RTL4: variants seen among roughly 807,000 people sequenced by gnomAD.
The protein encoded by RTL4 is retrotransposon Gag like 4, also known as retrotransposon Gag-like protein 4.
In RTL4, 4 loss-of-function variants were observed where a neutral mutation model predicts 5.3. The observed-to-expected ratio is 0.75, with a 90% confidence interval of 0.37 to 1.72. The LOEUF (loss-of-function observed/expected upper bound fraction) is 1.72. Among genes scored for constraint, RTL4 ranks in the 40% most tolerant of loss-of-function variants. The pLI is 0.04. For synonymous variants in RTL4, 98 were observed against 87.3 expected (o/e 1.12, Z -0.68); for missense variants, 260 against 227.1 (o/e 1.14, Z -0.93).
At chrX:112,449,766 T>C (rs1260678370), upstream of RTL4, among the ~76,000 whole-genome samples, 1 of 112,076 alleles carries the variant, frequency 8.9e-6, no homozygotes, top group Admixed American at 9.4e-5. Flanking sequence ...ATAGTCAATG[T>C]TGGGGTCTCC....
the RTL4 span, among the ~76,000 whole-genome samples, chrX:112,402,077 A>G: frequency 8.9e-6 from 1 of 111,797 alleles, no homozygotes; most frequent in Middle Eastern, 4.7e-3. Flanking sequence ...AGTCCTATCT[A>G]TCTCTCAAGA....
At chrX:112,390,239 G>A in the RTL4 span, among the ~76,000 whole-genome samples, 1 of 90,009 alleles carries the variant, frequency 1.1e-5, no homozygotes, top group Non-Finnish European at 2.2e-5. Context: ...GATCTCTTGA[G>A]GCCAGAAGTT....
the RTL4 span, among the ~76,000 whole-genome samples, chrX:112,151,995 C>T: frequency 8.0e-5 from 9 of 111,834 alleles, no homozygotes; most frequent in African/African-American, 2.9e-4. Flanking sequence ...GGGAGCGGGG[C>T]AGTTCTATCT....
the RTL4 span, among the ~76,000 whole-genome samples, chrX:112,305,479 C>T: frequency 1.8e-5 from 2 of 110,281 alleles, no homozygotes; most frequent in African/African-American, 6.6e-5. Context: ...TCTCCTGCCT[C>T]AGCCTCCCAA....
the RTL4 span, among the ~76,000 whole-genome samples, chrX:112,125,544 T>TG: frequency 9.0e-6 from 1 of 111,659 alleles, no homozygotes; most frequent in Non-Finnish European, 1.9e-5. Flanking sequence ...TATGTCCTTA[T>TG]GGGGAAGAGA....
chrX:112,262,883 T>C, the RTL4 span, among the ~76,000 whole-genome samples: 20,081 of 109,535 alleles, frequency 0.18, 1,432 homozygotes, highest in African/African-American at 0.24. Context: ...GATGAGTTCA[T>C]GTCCTTTGTA....
chrX:112,379,357 C>T, the RTL4 span, among the ~76,000 whole-genome samples: 1 of 112,320 alleles, frequency 8.9e-6, no homozygotes, highest in Non-Finnish European at 1.9e-5. Flanking sequence ...TTGAAGTAGC[C>T]TTGCTTACCA....
At chrX:112,446,676 C>A in the RTL4 span, among the ~76,000 whole-genome samples, 1 of 111,770 alleles carries the variant, frequency 8.9e-6, no homozygotes, top group Non-Finnish European at 1.9e-5. Flanking sequence ...GGCAAAACTC[C>A]ATCTCTACTA....
chrX:112,426,308 ATTG>A, the RTL4 span, among the ~76,000 whole-genome samples: 4 of 111,258 alleles, frequency 3.6e-5, no homozygotes, highest in African/African-American at 1.3e-4. Flanking sequence ...CCAATACCAC[ATTG>A]TTATCTTTAT....
the RTL4 span, among the ~76,000 whole-genome samples, chrX:112,433,013 C>G: frequency 2.7e-5 from 3 of 110,195 alleles, no homozygotes; most frequent in Non-Finnish European, 5.7e-5. Flanking sequence ...TCTTGTTTTT[C>G]TCAGGTTTGT....
At chrX:112,243,453 A>G in the RTL4 span, among the ~76,000 whole-genome samples, 2 of 111,041 alleles carry the variant, frequency 1.8e-5, no homozygotes, top group Non-Finnish European at 3.8e-5. Context: ...GAATTTATTA[A>G]TTTCTTCTAG....
chrX:112,107,880 G>T, the RTL4 span, among the ~76,000 whole-genome samples: 2 of 111,535 alleles, frequency 1.8e-5, no homozygotes, highest in Non-Finnish European at 3.8e-5. Flanking sequence ...TTCTCCTATG[G>T]TTTCTTTAAA....
chrX:112,261,339 C>A, the RTL4 span, among the ~76,000 whole-genome samples: 51 of 111,627 alleles, frequency 4.6e-4, no homozygotes, highest in African/African-American at 1.7e-3. Flanking sequence ...GCAACTTCAG[C>A]AAAGTCTCAG....
chrX:112,390,168 C>T, the RTL4 span, among the ~76,000 whole-genome samples: 68 of 57,324 alleles, frequency 1.2e-3, no homozygotes, highest in African/African-American at 4.5e-3. Context: ...TATTTAGGAT[C>T]GTGGCCAGGT....
chrX:112,270,162 C>T, the RTL4 span, among the ~76,000 whole-genome samples: 2 of 112,093 alleles, frequency 1.8e-5, no homozygotes, highest in African/African-American at 6.5e-5. Context: ...TCAATCACAT[C>T]CATTGAGGTC....
the RTL4 span, among the ~76,000 whole-genome samples, chrX:112,086,765 T>G: frequency 8.9e-6 from 1 of 112,235 alleles, no homozygotes; most frequent in Admixed American, 9.4e-5. Flanking sequence ...ACTTTACACA[T>G]TCATACATTA....
At chrX:112,131,612 A>C in the RTL4 span, among the ~76,000 whole-genome samples, 1 of 111,683 alleles carries the variant, frequency 9.0e-6, no homozygotes, top group African/African-American at 3.3e-5. Flanking sequence ...TTCCCCCTTC[A>C]CTATTCGTAC....
At chrX:112,224,761 A>G in the RTL4 span, among the ~76,000 whole-genome samples, 1 of 111,386 alleles carries the variant, frequency 9.0e-6, no homozygotes, top group Admixed American at 9.6e-5. Flanking sequence ...AACAACTACA[A>G]TGGTTACCAT....
the RTL4 span, among the ~76,000 whole-genome samples, chrX:112,310,728 T>C: frequency 5.2e-5 from 4 of 76,540 alleles, no homozygotes; most frequent in African/African-American, 2.1e-4. Flanking sequence ...TATTATATAT[T>C]ATATATTTAT....
Sources: gnomAD v4.1 joint callset for allele counts (sites outside exome capture counted in the v4.1 genomes callset) on GRCh38, gnomAD v4.1.1 for gene constraint, MANE v1.5 for transcripts, NCBI Gene and HGNC (gene_info 2026-07-23, HGNC 2026-07-21) for gene names.